Variants in MAP4 observed in about 807,000 individuals in gnomAD.
MAP4 encodes microtubule associated protein 4.
In MAP4, 76 loss-of-function variants were observed where a neutral mutation model predicts 170.2. That is an observed-to-expected ratio of 0.45 (90% CI 0.37 to 0.54). MAP4 has a LOEUF of 0.54. Among genes scored for constraint, MAP4 ranks in the 20% least tolerant of loss-of-function variants. The pLI, the probability that MAP4 is intolerant of heterozygous loss-of-function variation, is 0.00. For missense variants in MAP4, 2,506 were observed against 2,748.0 expected (o/e 0.91, Z 1.97); for synonymous variants, 909 against 994.5 (o/e 0.91, Z 1.62).
intron 3 of MAP4, chr3:47,974,361 G>T: frequency 1.7e-6 from 1 of 580,580 alleles, no homozygotes; most frequent in South Asian, 7.6e-5. Context: ...GGAGGCAGAG[G>T]GTGCAGTAAG....
chr3:47,990,611 G>C (rs142423435), intron 2 of MAP4, among the ~76,000 whole-genome samples: 1 of 152,272 alleles, frequency 6.6e-6, no homozygotes, highest in African/African-American at 2.4e-5. Context: ...AAAATTAAGT[G>C]ACTTGTTCCA....
chr3:47,925,042 C>T lies in MAP4; in HGVS notation c.416-3164G>A, dbSNP rs550449252. ...GGCCAGGATGGTCTCCATCTCTTGA[C>T]CTCGTGATCCACCTGCCTCAGCCTC... On this transcript the variant is annotated intron_variant, in intron 4 of 20. Coordinates refer to ENST00000683076, the MANE Select transcript of MAP4 (RefSeq NM_001385682.1). Among the ~76,000 whole-genome samples the T allele has an allele frequency of 5.9e-5, 9 of 152,232 alleles. No individual in the cohort carries two copies. The South Asian group carries it at 1.9e-3, about 32-fold the overall frequency.
intron 2 of MAP4, among the ~76,000 whole-genome samples, chr3:47,983,036 C>G (rs1034978974): frequency 6.6e-6 from 1 of 152,002 alleles, no homozygotes; most frequent in Admixed American, 6.6e-5. Context: ...TAGCTGGTAG[C>G]TGGGACTACA....
chr3:47,936,095 G>A (rs2100052664), intron 3 of MAP4, among the ~76,000 whole-genome samples: 1 of 151,788 alleles, frequency 6.6e-6, no homozygotes, highest in Non-Finnish European at 1.5e-5. Flanking sequence ...AGGGAGGAAA[G>A]AAGGGGAGAA....
At chr3:48,017,873 G>C (rs1464163542), upstream of MAP4, among the ~76,000 whole-genome samples, 9 of 152,098 alleles carry the variant, frequency 5.9e-5, no homozygotes, top group Non-Finnish European at 1.3e-4. Context: ...TGGCACCAGG[G>C]ACAGGTTTCG....
intron 17 of MAP4, among the ~76,000 whole-genome samples, chr3:47,863,944 TG>T (rs1553728844): frequency 1.2e-4 from 10 of 86,332 alleles, no homozygotes; most frequent in South Asian, 3.7e-4. Flanking sequence ...GTGTGGGGAG[TG>T]GTGGGGGGTG....
At chr3:47,967,703 T>C (rs2100075914) in intron 3 of MAP4, among the ~76,000 whole-genome samples, 2 of 152,214 alleles carry the variant, frequency 1.3e-5, no homozygotes, top group Admixed American at 1.3e-4. Flanking sequence ...GACTCACACC[T>C]GTAATCCCAG....
chr3:47,954,742 T>G (rs951240330), intron 3 of MAP4, among the ~76,000 whole-genome samples: 1 of 152,124 alleles, frequency 6.6e-6, no homozygotes, highest in South Asian at 2.1e-4. Flanking sequence ...TCAAAGTGAG[T>G]GCTGACAGTG....
At position 47,851,170 on chromosome 3, in the gene MAP4, C is replaced by G. The variant is rs1457006131; in HGVS notation, c.*1764G>C. On this transcript the variant is annotated 3_prime_UTR_variant, in exon 21 of 21. Coordinates refer to ENST00000683076, the MANE Select transcript of MAP4 (RefSeq NM_001385682.1). ...AACACTGGCTCCCTCATGTTCTTGG[C>G]ACAGCAGAAGTGTTCTGCACATGGT... The G allele has an allele frequency of 6.6e-6, 1 of 152,248 alleles. No homozygotes were observed. The highest frequency in any genetic ancestry group is 2.4e-5 in the African/African-American group (1 of 41,444). 9.4% of individuals were successfully genotyped at this position (152,248 alleles called of 1,614,324 possible).
At chr3:48,076,340 CAA>C (rs202066552) in intron 1 of MAP4, among the ~76,000 whole-genome samples, 1 of 138,918 alleles carries the variant, frequency 7.2e-6, no homozygotes. Context: ...ACTAAAAATA[CAA>C]AAAAAAAAAA....
Position 47,911,177 on chromosome 3 carries a change from A to AT in MAP4, c.3243dup (p.Ser1082IlefsTer2). 6.5e-7 allele frequency: 1 copy of AT among 1,535,958 alleles called. No homozygotes were observed. Reference sequence around the variant, plus strand: ...CTGTCCAGAAGAAATGGCAGCTCAGATTTTGCTTTTACCTTCCCAGAATCT... The same window carrying AT: ...CTGTCCAGAAGAAATGGCAGCTCAGATTTTTGCTTTTACCTTCCCAGAATCT... On this transcript the variant is annotated frameshift_variant, in exon 9 of 21. Coordinates refer to ENST00000683076, the MANE Select transcript of MAP4 (RefSeq NM_001385682.1). LOFTEE classifies it high-confidence loss of function. This position sits in a 1 kb window ranked among gnomAD's most constrained non-coding sequence, Gnocchi z 4.0.
chr3:47,862,038 G>A (rs1425800920), intron 17 of MAP4, among the ~76,000 whole-genome samples: 2 of 151,126 alleles, frequency 1.3e-5, no homozygotes, highest in Non-Finnish European at 2.9e-5. Flanking sequence ...GCGGGTGCCT[G>A]TAGTCCCAGC....
chr3:47,877,656 T>C (rs2095787811), intron 10 of MAP4, 133 bp from the exon 11 acceptor site: 2 of 586,164 alleles, frequency 3.4e-6, no homozygotes, highest in Admixed American at 6.2e-5. Flanking sequence ...GTTGTGCTGC[T>C]GAAATGTGGA....
At chr3:48,084,359 A>G (rs2154571852) in intron 1 of MAP4, among the ~76,000 whole-genome samples, 1 of 148,546 alleles carries the variant, frequency 6.7e-6, no homozygotes, top group African/African-American at 2.5e-5. Context: ...GATCTCCCCC[A>G]CTGCTGACAG....
chr3:48,039,158 T>TA (rs1559837035), intron 1 of MAP4: 1 of 152,094 alleles, frequency 6.6e-6, no homozygotes, highest in Admixed American at 6.6e-5. Context: ...CAGTGAGTCA[T>TA]AATTTGAAAA....
intron 1 of MAP4, among the ~76,000 whole-genome samples, chr3:48,088,029 G>A (rs1263937473): frequency 6.6e-6 from 1 of 152,130 alleles, no homozygotes; most frequent in East Asian, 1.9e-4. Flanking sequence ...TCCTGGAAGT[G>A]AGCAAAACCC....
chr3:48,003,213 G>A (rs560896719), intron 1 of MAP4, among the ~76,000 whole-genome samples: 1 of 152,078 alleles, frequency 6.6e-6, no homozygotes, highest in East Asian at 1.9e-4. Flanking sequence ...CCAGCACTTT[G>A]GGAGGCTGAC....
chr3:47,882,660 A>G (rs1449712553), intron 10 of MAP4, among the ~76,000 whole-genome samples: 1 of 152,000 alleles, frequency 6.6e-6, no homozygotes, highest in Non-Finnish European at 1.5e-5. Context: ...GGCTGGTCTC[A>G]AACTCTGGGC....
chr3:48,040,413 CGCCTGCA>C (rs1156844586), intron 1 of MAP4, among the ~76,000 whole-genome samples: 1 of 151,946 alleles, frequency 6.6e-6, no homozygotes, highest in African/African-American at 2.4e-5. Flanking sequence ...AGACTACAGG[CGCCTGCA>C]GCCATGCCCA....
Sources: gnomAD v4.1 joint callset for allele counts (sites outside exome capture counted in the v4.1 genomes callset) on GRCh38, gnomAD v4.1.1 for gene constraint, Gnocchi (gnomAD v3.1) non-coding constraint, MANE v1.5 for transcripts, NCBI Gene and HGNC (gene_info 2026-07-23, HGNC 2026-07-21) for gene names.